The following ATL1 variants were observed in gnomAD, a reference collection of about 807,000 sequenced individuals.
ATL1 encodes the protein atlastin GTPase 1.
ATL1 carries 31 observed loss-of-function variants against 75.5 expected under a neutral mutation model. That is an observed-to-expected ratio of 0.41 (90% CI 0.31 to 0.55). The LOEUF (loss-of-function observed/expected upper bound fraction) is 0.55, where lower values mean the gene tolerates loss of function less well. ATL1 is among the 20% of genes least tolerant of loss of function. The pLI is 0.27. For missense variants in ATL1, 405 were observed against 662.6 expected, an observed-to-expected ratio of 0.61 and a Z score of 4.27; for synonymous variants, 226 against 233.3, an observed-to-expected ratio of 0.97 and a Z score of 0.28.
At chr14:50,627,208 T>C (rs1255290611) in intron 11 of ATL1, among the ~76,000 whole-genome samples, 1 of 152,280 alleles carries the variant, frequency 6.6e-6, no homozygotes. Context: ...ATTGATGTGC[T>C]GAAGGCTCAG....
In ATL1 at chr14:50,630,366, G is replaced by A. The variant is rs180791010; in HGVS notation, c.1566+357G>A. 2.6e-5 allele frequency among the ~76,000 whole-genome samples: 4 copies of A among 152,340 alleles called. No homozygotes were observed. The East Asian group carries it at 5.8e-4, about 22-fold the overall frequency. On this transcript the variant is annotated intron_variant, in intron 13 of 13. Coordinates refer to ENST00000358385, the MANE Select transcript of ATL1 (RefSeq NM_015915.5). ...GAAACCTGAGGAAATGTAACTACTG[G>A]AGGGTATTTATTTAAATGTAGCTAC... is the stretch of plus-strand genomic sequence containing the variant.
rs779022300 is a variant in ATL1 at position 50,620,583 on chromosome 14, T to G, written c.863-16T>G. Reference sequence around the variant, plus strand: ...AAGGATTCCAAAAATAATAATGGATTTGCTTTTACTTGTAGAAATAGATGA... The same window carrying G: ...AAGGATTCCAAAAATAATAATGGATGTGCTTTTACTTGTAGAAATAGATGA... On this transcript the variant is annotated splice_polypyrimidine_tract_variant and intron_variant, in intron 8 of 13. Transcript: ENST00000358385. The G allele has an allele frequency of 2.5e-6, 4 of 1,609,460 alleles. No homozygotes were observed. In the East Asian group the frequency reaches 6.7e-5, roughly 27 times the overall value.
chr14:50,570,258 A>G (rs541527939), intron 1 of ATL1, among the ~76,000 whole-genome samples: 2 of 152,166 alleles, frequency 1.3e-5, no homozygotes, highest in East Asian at 3.9e-4. Context: ...CTATTCTTCA[A>G]TGACTTGATA....
At chr14:50,588,269 C>T (rs2039121864) in intron 2 of ATL1, among the ~76,000 whole-genome samples, 191 bp downstream of exon 2, 1 of 152,176 alleles carries the variant, frequency 6.6e-6, no homozygotes, top group Admixed American at 6.5e-5. Context: ...CCAATTTTCT[C>T]TGAAGCTGCT....
At chr14:50,578,110 T>C (rs573011692) in intron 1 of ATL1, among the ~76,000 whole-genome samples, 2 of 152,180 alleles carry the variant, frequency 1.3e-5, no homozygotes, top group Non-Finnish European at 2.9e-5. Context: ...ATGATTTCTG[T>C]ATTTTTAAAA....
chr14:50,591,764 A>G, intron 4 of ATL1, 125 bp downstream of exon 4: 1 of 709,842 alleles, frequency 1.4e-6, no homozygotes, highest in Non-Finnish European at 2.4e-6. Context: ...GTTTGACTCA[A>G]TTAGCATACG....
chr14:50,533,576 C>A (rs1291960903), intron 1 of ATL1, among the ~76,000 whole-genome samples: 1 of 151,994 alleles, frequency 6.6e-6, no homozygotes, highest in African/African-American at 2.4e-5. Context: ...AATTAAGTTG[C>A]CAGTGTTACA....
At chr14:50,571,751 G>C (rs1291085610) in intron 1 of ATL1, among the ~76,000 whole-genome samples, 2 of 152,054 alleles carry the variant, frequency 1.3e-5, no homozygotes, top group Non-Finnish European at 2.9e-5. Context: ...ATATTTGCAA[G>C]CATGTTTACA....
At chr14:50,540,959 T>G (rs1440228802) in intron 1 of ATL1, among the ~76,000 whole-genome samples, 1 of 152,206 alleles carries the variant, frequency 6.6e-6, no homozygotes, top group Non-Finnish European at 1.5e-5. Context: ...CCAAATTAGT[T>G]TTGGAGAATG....
At chr14:50,540,711 C>A (rs2038550140) in intron 1 of ATL1, among the ~76,000 whole-genome samples, 1 of 152,142 alleles carries the variant, frequency 6.6e-6, no homozygotes, top group African/African-American at 2.4e-5. Flanking sequence ...TTTTTCCAGT[C>A]CCAAAATATA....
At chr14:50,593,023 T>C (rs1435803394) in intron 4 of ATL1, among the ~76,000 whole-genome samples, 2 of 151,012 alleles carry the variant, frequency 1.3e-5, no homozygotes, top group Non-Finnish European at 3.0e-5. Flanking sequence ...CAATATGATA[T>C]TTTGAATACA....
intron 10 of ATL1, 58 bp from the exon 11 acceptor site, chr14:50,623,119 G>C: frequency 6.9e-7 from 1 of 1,440,374 alleles, no homozygotes; most frequent in South Asian, 1.2e-5. Flanking sequence ...TGAACTGCCT[G>C]TGGAAGTTTA....
At chr14:50,534,283 C>T (rs778811670) in intron 1 of ATL1, among the ~76,000 whole-genome samples, 1 of 152,004 alleles carries the variant, frequency 6.6e-6, no homozygotes, top group African/African-American at 2.4e-5. Flanking sequence ...ACTAGTATGA[C>T]GTTAAAGAGA....
At chr14:50,547,153 A>C (rs1358868816) in intron 1 of ATL1, among the ~76,000 whole-genome samples, 1 of 152,234 alleles carries the variant, frequency 6.6e-6, no homozygotes, top group Non-Finnish European at 1.5e-5. Context: ...AAGTTAGAAT[A>C]GTGATTAGAT....
intron 1 of ATL1, among the ~76,000 whole-genome samples, chr14:50,578,726 A>C (rs1002373341): frequency 6.6e-6 from 1 of 152,238 alleles, no homozygotes; most frequent in African/African-American, 2.4e-5. Flanking sequence ...CAAGAGGATG[A>C]ACCATAATTT....
At chr14:50,555,218 C>T (rs145720077), upstream of ATL1, among the ~76,000 whole-genome samples, 6 of 152,272 alleles carry the variant, frequency 3.9e-5, no homozygotes, top group African/African-American at 1.4e-4. Context: ...ATAGAAGCCC[C>T]AAGTGAAAGA....
chr14:50,534,346 A>G (rs961412795), intron 1 of ATL1, among the ~76,000 whole-genome samples: 2 of 152,220 alleles, frequency 1.3e-5, no homozygotes, highest in Non-Finnish European at 2.9e-5. Flanking sequence ...AGAGGATTTT[A>G]TAGTGTTTTT....
At chr14:50,574,937 G>GTGTCTATA (rs1475087119) in intron 1 of ATL1, among the ~76,000 whole-genome samples, 6 of 23,160 alleles carry the variant, frequency 2.6e-4, no homozygotes, top group African/African-American at 1.1e-3. Context: ...GTGTGTGTGT[G>GTGTCTATA]TATATATATA....
chr14:50,601,717 G>A (rs1463401851), intron 6 of ATL1, among the ~76,000 whole-genome samples: 1 of 152,128 alleles, frequency 6.6e-6, no homozygotes, highest in Non-Finnish European at 1.5e-5. Context: ...ATGAGCATTT[G>A]AATTTAAAGT....
Sources: allele counts gnomAD v4.1 joint callset (sites outside exome capture counted in the v4.1 genomes callset), GRCh38; gene constraint gnomAD v4.1.1; transcripts MANE v1.5; gene names NCBI Gene and HGNC (gene_info 2026-07-23, HGNC 2026-07-21).